TNFSF4: variants seen among roughly 807,000 people sequenced by gnomAD.
TNFSF4 encodes tumor necrosis factor ligand superfamily member 4.
Under a neutral mutation model 7.3 loss-of-function variants are expected in TNFSF4, and 4 were observed. The observed-to-expected ratio is 0.55, with a 90% CI of 0.27 to 1.25. The LOEUF (loss-of-function observed/expected upper bound fraction) is 1.25. Ranked by LOEUF, TNFSF4 falls within the 50% of genes most tolerant of loss-of-function variation. TNFSF4 has a pLI of 0.12. For missense variants in TNFSF4, 181 were observed against 208.8 expected (o/e 0.87, Z 0.82); for synonymous variants, 76 against 83.7 (o/e 0.91, Z 0.50).
At chr1:173,348,214 A>C in the TNFSF4 span, among the ~76,000 whole-genome samples, 1 of 152,214 alleles carries the variant, frequency 6.6e-6, no homozygotes, top group African/African-American at 2.4e-5. Flanking sequence ...AGTGGGAGAT[A>C]ATTGAATTAT....
the TNFSF4 span, among the ~76,000 whole-genome samples, chr1:173,253,409 C>T: frequency 6.6e-6 from 1 of 152,158 alleles, no homozygotes; most frequent in Non-Finnish European, 1.5e-5. Context: ...TGCCCCATGC[C>T]GTGCTGGCAA....
At chr1:173,405,470 C>T in the TNFSF4 span, among the ~76,000 whole-genome samples, 22 of 152,218 alleles carry the variant, frequency 1.4e-4, no homozygotes, top group South Asian at 6.2e-4. Context: ...GTTTACCAAT[C>T]CCTGAGCCAG....
At chr1:173,298,448 G>A in the TNFSF4 span, among the ~76,000 whole-genome samples, 1 of 151,890 alleles carries the variant, frequency 6.6e-6, no homozygotes, top group African/African-American at 2.4e-5. Context: ...AGTAGAGCTG[G>A]CCTGAGTTAG....
the TNFSF4 span, among the ~76,000 whole-genome samples, chr1:173,272,603 G>A: frequency 6.6e-6 from 1 of 152,102 alleles, no homozygotes; most frequent in Non-Finnish European, 1.5e-5. Context: ...AAGCTTTCCT[G>A]TTTGTTTTTC....
chr1:173,214,154 C>A, the TNFSF4 span, among the ~76,000 whole-genome samples: 1 of 152,196 alleles, frequency 6.6e-6, no homozygotes, highest in South Asian at 2.1e-4. Flanking sequence ...GTCTGAAACA[C>A]CTCTCCACTC....
upstream of TNFSF4, among the ~76,000 whole-genome samples, chr1:173,210,037 T>C (rs1650321908): frequency 6.6e-6 from 1 of 152,082 alleles, no homozygotes. Flanking sequence ...ATTTGGGTTT[T>C]TTTTTTTTCT....
chr1:173,312,082 T>A, the TNFSF4 span, among the ~76,000 whole-genome samples: 1 of 152,096 alleles, frequency 6.6e-6, no homozygotes, highest in Admixed American at 6.6e-5. Flanking sequence ...CTGCTAAGTA[T>A]ACATTTGTGC....
chr1:173,334,372 A>G, the TNFSF4 span, among the ~76,000 whole-genome samples: 1 of 152,248 alleles, frequency 6.6e-6, no homozygotes, highest in Non-Finnish European at 1.5e-5. Flanking sequence ...ATTAAAGAAT[A>G]TAATGACATT....
the TNFSF4 span, among the ~76,000 whole-genome samples, chr1:173,387,545 G>T: frequency 6.6e-6 from 1 of 152,248 alleles, no homozygotes; most frequent in Non-Finnish European, 1.5e-5. Context: ...ATGCATTAAG[G>T]CAGAGGGAAC....
the TNFSF4 span, among the ~76,000 whole-genome samples, chr1:173,313,248 C>T: frequency 1.3e-5 from 2 of 152,024 alleles, no homozygotes; most frequent in African/African-American, 4.8e-5. Flanking sequence ...TATCATTTGC[C>T]ATCCAGTTTT....
chr1:173,402,034 A>C, the TNFSF4 span, among the ~76,000 whole-genome samples: 1 of 152,210 alleles, frequency 6.6e-6, no homozygotes, highest in Non-Finnish European at 1.5e-5. Flanking sequence ...TGTCTTCAAA[A>C]TTCATGGCTT....
chr1:173,190,656 G>A (rs1174546152), intron 1 of TNFSF4, among the ~76,000 whole-genome samples: 2 of 152,216 alleles, frequency 1.3e-5, no homozygotes, highest in Non-Finnish European at 2.9e-5. Flanking sequence ...GCAATGCTCT[G>A]GAAGAAAACC....
the TNFSF4 span, among the ~76,000 whole-genome samples, chr1:173,227,381 T>C: frequency 6.6e-6 from 1 of 152,228 alleles, no homozygotes; most frequent in African/African-American, 2.4e-5. Flanking sequence ...CATCTCAGAC[T>C]TTCCATTCAT....
chr1:173,340,789 CT>C, the TNFSF4 span, among the ~76,000 whole-genome samples: 2 of 151,788 alleles, frequency 1.3e-5, no homozygotes, highest in African/African-American at 4.8e-5. Flanking sequence ...TCTCCCTTTC[CT>C]TCTTTGTCCA....
the TNFSF4 span, among the ~76,000 whole-genome samples, chr1:173,380,015 T>C: frequency 6.6e-6 from 1 of 152,184 alleles, no homozygotes; most frequent in Non-Finnish European, 1.5e-5. Context: ...GAGCGCCGGG[T>C]ACGTTTGACC....
the TNFSF4 span, among the ~76,000 whole-genome samples, chr1:173,387,867 C>T: frequency 2.0e-5 from 3 of 152,186 alleles, no homozygotes; most frequent in African/African-American, 4.8e-5. Flanking sequence ...TATTCTCACA[C>T]TAAAAAAATG....
At chr1:173,195,614 T>C (rs955817809) in intron 1 of TNFSF4, among the ~76,000 whole-genome samples, 2 of 152,140 alleles carry the variant, frequency 1.3e-5, no homozygotes, top group Non-Finnish European at 2.9e-5. Flanking sequence ...CTTTGGAGAG[T>C]GTGTACCTCT....
intron 1 of TNFSF4, among the ~76,000 whole-genome samples, chr1:173,206,764 G>A (rs535580813): frequency 3.9e-5 from 6 of 152,228 alleles, no homozygotes; most frequent in African/African-American, 1.4e-4. Context: ...AAGGAATCTT[G>A]CATTGCAAAG....
the TNFSF4 span, among the ~76,000 whole-genome samples, chr1:173,328,648 A>C: frequency 6.6e-6 from 1 of 151,976 alleles, no homozygotes; most frequent in Non-Finnish European, 1.5e-5. Flanking sequence ...AAACCTGCAC[A>C]TTCTGCACAT....
Sources: gnomAD v4.1 joint callset for allele counts (sites outside exome capture counted in the v4.1 genomes callset) on GRCh38, gnomAD v4.1.1 for gene constraint, MANE v1.5 for transcripts, NCBI Gene and HGNC (gene_info 2026-07-23, HGNC 2026-07-21) for gene names.